The following GRB14 variants were observed in gnomAD, a reference collection of about 807,000 sequenced individuals.
GRB14 encodes growth factor receptor-bound protein 14.
In GRB14, 38 loss-of-function variants were observed where a neutral mutation model predicts 69.1. The observed-to-expected ratio is 0.55, with a 90% confidence interval of 0.42 to 0.72. The LOEUF (loss-of-function observed/expected upper bound fraction) is 0.72, where lower values mean the gene tolerates loss of function less well. GRB14 is among the 30% of genes least tolerant of loss of function. The pLI is 0.00. For missense variants in GRB14, 666 were observed against 666.1 expected, an observed-to-expected ratio of 1.00 and a Z score of 0.00; for synonymous variants, 247 against 241.3, an observed-to-expected ratio of 1.02 and a Z score of -0.22.
At position 164,498,539 on chromosome 2, in the gene GRB14, A is replaced by G. The variant is rs554904760; in HGVS notation, c.1105-1049T>C. 1.6e-4 allele frequency among the ~76,000 whole-genome samples: 24 copies of G among 152,292 alleles called. No individual in the cohort carries two copies. The South Asian group carries it at 3.9e-3, about 25-fold the overall frequency. On this transcript the variant is annotated intron_variant, in intron 9 of 13. Transcript: ENST00000263915. The stretch of plus-strand genomic sequence containing the variant: ...ATCAAGAAGGAATTAAAATTCTCCA[A>G]AAGAAAAATTTTAAAACACCCATGG...
chr2:164,550,609 G>A (rs1688509920), intron 2 of GRB14, among the ~76,000 whole-genome samples: 2 of 152,012 alleles, frequency 1.3e-5, no homozygotes, highest in Non-Finnish European at 2.9e-5. Flanking sequence ...CTTTGACCCA[G>A]CAATTTTTCT....
chr2:164,570,274 CT>C (rs1357837023), intron 2 of GRB14, among the ~76,000 whole-genome samples: 4 of 76,524 alleles, frequency 5.2e-5, no homozygotes, highest in Non-Finnish European at 8.9e-5. Context: ...AAGACTCCAT[CT>C]AAAAAAAAAA....
intron 2 of GRB14, among the ~76,000 whole-genome samples, chr2:164,557,395 A>C (rs548341833): frequency 1.3e-5 from 2 of 152,336 alleles, no homozygotes; most frequent in Non-Finnish European, 2.9e-5. Context: ...AGCTTTTTAA[A>C]AAGTTGGCAA....
At chr2:164,517,807 G>GA (rs1347481693) in intron 6 of GRB14, among the ~76,000 whole-genome samples, 8 of 151,994 alleles carry the variant, frequency 5.3e-5, no homozygotes, top group African/African-American at 1.7e-4. Flanking sequence ...TGTCCAGTAG[G>GA]AAAAAATCAC....
chr2:164,558,602 T>C (rs1030992159), intron 2 of GRB14, among the ~76,000 whole-genome samples: 1 of 152,216 alleles, frequency 6.6e-6, no homozygotes, highest in Non-Finnish European at 1.5e-5. Flanking sequence ...AATTCATCTT[T>C]GAAACAAGAA....
chr2:164,572,618 T>C (rs761196313), intron 2 of GRB14, among the ~76,000 whole-genome samples: 1 of 152,242 alleles, frequency 6.6e-6, no homozygotes, highest in Non-Finnish European at 1.5e-5. Flanking sequence ...ATTCAAACCC[T>C]ACCTGTCCTT....
At chr2:164,545,841 G>A (rs993778564) in intron 3 of GRB14, among the ~76,000 whole-genome samples, 3 of 152,118 alleles carry the variant, frequency 2.0e-5, no homozygotes, top group Admixed American at 6.6e-5. Flanking sequence ...CTAGTAGAAC[G>A]AATTCTTTAG....
intron 3 of GRB14, among the ~76,000 whole-genome samples, chr2:164,539,491 A>G (rs768977590): frequency 1.1e-4 from 16 of 152,096 alleles, no homozygotes; most frequent in Non-Finnish European, 2.4e-4. Flanking sequence ...AAAAATACTA[A>G]TAAGATTGAA....
At chr2:164,521,756 C>A (rs1687639539) in intron 6 of GRB14, among the ~76,000 whole-genome samples, 3 of 151,988 alleles carry the variant, frequency 2.0e-5, no homozygotes, top group Admixed American at 2.0e-4. Flanking sequence ...ATACGTTGTA[C>A]TGAAATAAGA....
intron 3 of GRB14, among the ~76,000 whole-genome samples, chr2:164,527,499 T>G (rs1348465249): frequency 6.6e-6 from 1 of 151,808 alleles, no homozygotes; most frequent in Non-Finnish European, 1.5e-5. Flanking sequence ...ACTATTTTTT[T>G]CTCTGACTCA....
chr2:164,612,258 A>C (rs1242129521), intron 2 of GRB14, among the ~76,000 whole-genome samples: 3 of 152,244 alleles, frequency 2.0e-5, no homozygotes, highest in Non-Finnish European at 2.9e-5. Flanking sequence ...CGTCTATGGA[A>C]AAATGTATGT....
intron 1 of GRB14, among the ~76,000 whole-genome samples, chr2:164,620,392 A>G (rs1690426844): frequency 6.6e-6 from 1 of 152,160 alleles, no homozygotes; most frequent in Non-Finnish European, 1.5e-5. Flanking sequence ...TCAAGCGCTT[A>G]TAGATATTAA....
intron 6 of GRB14, among the ~76,000 whole-genome samples, chr2:164,512,378 G>C (rs1409249640): frequency 1.3e-5 from 2 of 152,082 alleles, no homozygotes; most frequent in African/African-American, 4.8e-5. Flanking sequence ...TGTTGGCCAG[G>C]CTGGTCTCTA....
chr2:164,534,006 A>AT (rs200538112), intron 3 of GRB14, among the ~76,000 whole-genome samples: 2,336 of 152,346 alleles, frequency 0.015, 21 homozygotes, highest in Middle Eastern at 0.034. Context: ...TAATCTGGTA[A>AT]TCTTAAGAAA....
chr2:164,597,326 T>C (rs532912750), intron 2 of GRB14, among the ~76,000 whole-genome samples: 1 of 152,316 alleles, frequency 6.6e-6, no homozygotes, highest in South Asian at 2.1e-4. Flanking sequence ...CAGATATATA[T>C]TAATAAAAAG....
At chr2:164,563,888 A>T (rs2105324579) in intron 2 of GRB14, among the ~76,000 whole-genome samples, 1 of 152,332 alleles carries the variant, frequency 6.6e-6, no homozygotes, top group Non-Finnish European at 1.5e-5. Context: ...GTGGTCCAAG[A>T]TATACAAAAA....
rs539052938 is a variant in GRB14 at position 164,547,770 on chromosome 2, A to C, written c.371T>G (p.Val124Gly). ...SEDETSRALDVPSDITARDVC... is the reference protein window; with the variant it reads ...SEDETSRALDGPSDITARDVC... ...ATCTCGAGCCGTTATGTCACTGGGTACATCTAAAGCCCTGCTGGTTTCATC... is the reference window on the plus strand; with the variant it reads ...ATCTCGAGCCGTTATGTCACTGGGTCCATCTAAAGCCCTGCTGGTTTCATC... The change falls in exon 3 of 14, where the codon GTA becomes GGA. Residue 124 changes from valine to glycine, a missense_variant. By Grantham distance (109) the Val-to-Gly change is moderately radical. Transcript: ENST00000263915. 6.2e-7 allele frequency: 1 copy of C among 1,613,894 alleles called. No homozygotes were observed. The highest frequency in any genetic ancestry group is 2.2e-5 in the East Asian group (1 of 44,866).
intron 2 of GRB14, among the ~76,000 whole-genome samples, chr2:164,608,968 G>GT (rs1690104605): frequency 6.6e-6 from 1 of 152,196 alleles, no homozygotes; most frequent in Non-Finnish European, 1.5e-5. Flanking sequence ...TGCCAAAATA[G>GT]TAAGTACAAT....
intron 2 of GRB14, among the ~76,000 whole-genome samples, chr2:164,591,136 CAGTT>C: frequency 6.6e-6 from 1 of 152,240 alleles, no homozygotes; most frequent in South Asian, 2.1e-4. Context: ...GATAAATTGG[CAGTT>C]AGAAATACTC....
Sources: gnomAD v4.1 joint callset for allele counts (sites outside exome capture counted in the v4.1 genomes callset) on GRCh38, gnomAD v4.1.1 for gene constraint, MANE v1.5 for transcripts, NCBI Gene and HGNC (gene_info 2026-07-23, HGNC 2026-07-21) for gene names.